The following KCNK10 variants were observed in gnomAD, a reference collection of about 807,000 sequenced individuals.
The protein encoded by KCNK10 is potassium channel subfamily K member 10.
KCNK10 carries 25 observed loss-of-function variants against 47.7 expected under a neutral mutation model. That is an observed-to-expected ratio of 0.52 (90% CI 0.38 to 0.73). The LOEUF is 0.73. Ranked by LOEUF, KCNK10 falls within the 30% of genes least tolerant of loss-of-function variation. The probability of loss-of-function intolerance (pLI) is 0.00; values close to 1 mark genes in which losing one functional copy is unlikely to be tolerated. For missense variants in KCNK10, 563 were observed against 714.5 expected, an observed-to-expected ratio of 0.79 and a Z score of 2.42; for synonymous variants, 303 against 285.6, an observed-to-expected ratio of 1.06 and a Z score of -0.61.
rs34318518 is a variant in KCNK10, at chr14:88,212,109, A to AATATATATATATAT, written c.681+15252_681+15265dup. On this transcript the variant is annotated intron_variant, in intron 4 of 6. Coordinates refer to ENST00000319231, the MANE Select transcript of KCNK10 (RefSeq NM_138317.3). ...ACTTTTGGTACTAACTGATAGTGAG[A>AATATATATATATAT]ATATATATATATATATATATATCGA... Among the ~76,000 whole-genome samples, 934 of 133,200 alleles carry AATATATATATATAT rather than the reference A, an allele frequency of 7.0e-3. 23 individuals are homozygous for AATATATATATATAT. Among genetic ancestry groups the AATATATATATATAT allele is most frequent in the African/African-American group, 0.019 (689 of 35,758 alleles). 87.4% of individuals were successfully genotyped at this position (133,200 alleles called of 152,430 possible).
intron 3 of KCNK10, among the ~76,000 whole-genome samples, chr14:88,228,201 C>A (rs1234419552): frequency 6.6e-6 from 1 of 152,164 alleles, no homozygotes; most frequent in African/African-American, 2.4e-5. Context: ...CGCCCAACTA[C>A]CTCTTGCATT....
intron 1 of KCNK10, among the ~76,000 whole-genome samples, chr14:88,286,859 C>T (rs1887774386): frequency 6.6e-6 from 1 of 152,160 alleles, no homozygotes; most frequent in Non-Finnish European, 1.5e-5. Flanking sequence ...ATGGGAGCTA[C>T]AATTCAAAAT....
At chr14:88,254,568 C>T (rs1221821395) in intron 2 of KCNK10, among the ~76,000 whole-genome samples, 1 of 152,158 alleles carries the variant, frequency 6.6e-6, no homozygotes, top group Non-Finnish European at 1.5e-5. Context: ...TTCTACGCTT[C>T]CCCGTCAGTC....
intron 4 of KCNK10, among the ~76,000 whole-genome samples, chr14:88,202,957 G>C (rs745750149): frequency 7.2e-5 from 11 of 152,244 alleles, no homozygotes; most frequent in Non-Finnish European, 1.5e-4. Flanking sequence ...AACCCTGAGT[G>C]GGGTGGGCAT....
At chr14:88,243,292 C>T (rs547077003) in intron 2 of KCNK10, among the ~76,000 whole-genome samples, 3 of 152,288 alleles carry the variant, frequency 2.0e-5, no homozygotes, top group Admixed American at 1.3e-4. Context: ...CTATCCTTTC[C>T]ATAACTTGCA....
chr14:88,326,733 A>G (rs1248352902), upstream of KCNK10: 4 of 462,702 alleles, frequency 8.6e-6, no homozygotes, highest in African/African-American at 6.1e-5. Flanking sequence ...GGAGCGCACC[A>G]ATAGTTGCCC....
At chr14:88,298,900 G>A (rs922108759) in intron 1 of KCNK10, among the ~76,000 whole-genome samples, 3 of 152,000 alleles carry the variant, frequency 2.0e-5, no homozygotes, top group African/African-American at 4.8e-5. Context: ...CTCCTCACAG[G>A]TGCCTCAGTT....
At chr14:88,319,462 T>C (rs772707607) in intron 1 of KCNK10, among the ~76,000 whole-genome samples, 7 of 152,196 alleles carry the variant, frequency 4.6e-5, no homozygotes, top group Non-Finnish European at 8.8e-5. Flanking sequence ...TTTTCCCTGC[T>C]AAACACATTT....
upstream of KCNK10, chr14:88,323,302 G>A (rs1182281182): frequency 2.0e-6 from 2 of 985,272 alleles, no homozygotes; most frequent in African/African-American, 1.8e-5. Flanking sequence ...CGGCCGCGCT[G>A]AGCGCACACG....
chr14:88,216,326 A>C (rs1378863360), intron 4 of KCNK10, among the ~76,000 whole-genome samples: 2 of 152,138 alleles, frequency 1.3e-5, no homozygotes, highest in Non-Finnish European at 2.9e-5. Context: ...CTTTGGGGCA[A>C]TTGTCCCCTT....
chr14:88,304,695 C>T (rs964797346), intron 1 of KCNK10, among the ~76,000 whole-genome samples: 1 of 152,184 alleles, frequency 6.6e-6, no homozygotes, highest in Non-Finnish European at 1.5e-5. Flanking sequence ...AAATCACCCC[C>T]AAGTGCAATG....
In KCNK10 at chr14:88,220,416, CAAAAAAAAAAAAAAAAAAAAAAA is replaced by C. The variant is rs58562095; in HGVS notation, c.681+6936_681+6958del. ...TGGGCGACAGAGCGAGACTCCGTCT[CAAAAAAAAAAAAAAAAAAAAAAA>C]AAAAAAAAAAAAAAAATTACTATAG... is the stretch of plus-strand genomic sequence containing the variant. On this transcript the variant is annotated intron_variant, in intron 4 of 6. Coordinates refer to ENST00000319231, the MANE Select transcript of KCNK10 (RefSeq NM_138317.3). Among the ~76,000 whole-genome samples the C allele has an allele frequency of 1.8e-3, 54 of 30,160 alleles. No homozygotes were observed. In the East Asian group the frequency reaches 0.073, roughly 41 times the overall value. The allele number at this position is 30,160 out of a possible 152,430, so 19.8% of individuals were successfully genotyped here.
intron 1 of KCNK10, among the ~76,000 whole-genome samples, chr14:88,264,599 G>T (rs909964324): frequency 6.6e-6 from 1 of 152,202 alleles, no homozygotes; most frequent in Non-Finnish European, 1.5e-5. Context: ...GGCTGTAGAG[G>T]TGATGGCTTA....
intron 1 of KCNK10, among the ~76,000 whole-genome samples, chr14:88,265,800 T>C (rs1440517693): frequency 2.0e-5 from 3 of 152,130 alleles, no homozygotes; most frequent in Admixed American, 2.0e-4. Flanking sequence ...GATCTGATGG[T>C]TTTATAAAGG....
intron 3 of KCNK10, among the ~76,000 whole-genome samples, chr14:88,228,875 T>G (rs1886069125): frequency 6.6e-6 from 1 of 152,178 alleles, no homozygotes; most frequent in Non-Finnish European, 1.5e-5. Context: ...GGATTTTGAT[T>G]TAAATATGCA....
At chr14:88,255,405 T>C (rs1886923313) in intron 2 of KCNK10, among the ~76,000 whole-genome samples, 1 of 152,048 alleles carries the variant, frequency 6.6e-6, no homozygotes, top group Admixed American at 6.6e-5. Flanking sequence ...TGATTGAACC[T>C]ACTTCAGACT....
At chr14:88,208,652 G>A (rs1167776779) in intron 4 of KCNK10, among the ~76,000 whole-genome samples, 1 of 151,990 alleles carries the variant, frequency 6.6e-6, no homozygotes, top group East Asian at 1.9e-4. Context: ...TGCCAACTCT[G>A]TTATAGTACA....
intron 3 of KCNK10, among the ~76,000 whole-genome samples, chr14:88,233,836 T>C (rs190295501): frequency 1.3e-5 from 2 of 152,338 alleles, no homozygotes; most frequent in African/African-American, 4.8e-5. Context: ...TGTTTTTCAA[T>C]GCAGCAGACA....
In KCNK10 at chr14:88,260,148, G is replaced by A. The variant is rs770052766; in HGVS notation, c.402+3054C>T. Among the ~76,000 whole-genome samples, 36 of 152,190 alleles carry A rather than the reference G, an allele frequency of 2.4e-4. 1 individual carries two copies. The highest frequency in any genetic ancestry group is 4.4e-4 in the Non-Finnish European group (30 of 67,992). On this transcript the variant is annotated intron_variant, in intron 2 of 6. Coordinates refer to ENST00000319231, the MANE Select transcript of KCNK10 (RefSeq NM_138317.3). This position sits in a 1 kb window ranked among gnomAD's most constrained non-coding sequence, Gnocchi z 4.5. ...GGTAGAGATGGGGTTTCACCATGTT[G>A]GCCAGGTTGGTCTCGAACTCCTGAT...
Sources: gnomAD v4.1 joint callset for allele counts (sites outside exome capture counted in the v4.1 genomes callset) on GRCh38, gnomAD v4.1.1 for gene constraint, Gnocchi (gnomAD v3.1) non-coding constraint, MANE v1.5 for transcripts, NCBI Gene and HGNC (gene_info 2026-07-23, HGNC 2026-07-21) for gene names.